TMEM214: variants seen among roughly 807,000 people sequenced by gnomAD.
The protein encoded by TMEM214 is transmembrane protein 214.
In TMEM214, 71 loss-of-function variants were observed where a neutral mutation model predicts 89.8. The observed-to-expected ratio is 0.79, with a 90% CI of 0.65 to 0.96. The LOEUF is 0.96. Among genes scored for constraint, TMEM214 ranks in the 40% least tolerant of loss-of-function variants. The pLI, the probability that TMEM214 is intolerant of heterozygous loss-of-function variation, is 0.00. For synonymous variants in TMEM214, 332 were observed against 349.5 expected (o/e 0.95, Z 0.56); for missense variants, 754 against 843.4 (o/e 0.89, Z 1.31).
rs764688398 is a variant in TMEM214 at position 27,040,846 on chromosome 2, T to C, written c.*9T>C. On this transcript the variant is annotated 3_prime_UTR_variant, in exon 17 of 17. Coordinates refer to ENST00000238788, the MANE Select transcript of TMEM214 (RefSeq NM_017727.5). ...TGATATCCCAGCAGTAGGCCCTGCCTTCCTGGCCACTGATTTCTGCATGGG... is the reference window on the plus strand; with the variant it reads ...TGATATCCCAGCAGTAGGCCCTGCCCTCCTGGCCACTGATTTCTGCATGGG... The C allele has an allele frequency of 5.6e-6, 9 of 1,611,504 alleles. No homozygotes were observed. The South Asian group carries it at 9.9e-5, about 18-fold the overall frequency.
chr2:27,038,771 A>G lies in TMEM214; in HGVS notation c.1363A>G (p.Ser455Gly). Residue 455 changes from serine (S) to glycine (G), a missense_variant, in exon 12 of 17, where the codon AGC becomes GGC. Ser to Gly is a moderately conservative substitution (Grantham distance 56, BLOSUM62 0). Coordinates refer to ENST00000238788, the MANE Select transcript of TMEM214 (RefSeq NM_017727.5). The surrounding 1 kb of genome is among the most constrained non-coding windows in gnomAD (Gnocchi z 4.4). ...LTNQELLRKG[S>G]SNNQDVVTCD... ...CAACCAGGAGCTGCTGAGGAAGGGTAGCAGTAACAACCAGGATGTCGTCAC... is the reference window on the plus strand; with the variant it reads ...CAACCAGGAGCTGCTGAGGAAGGGTGGCAGTAACAACCAGGATGTCGTCAC... The G allele has an allele frequency of 6.2e-7, 1 of 1,614,180 alleles. No homozygotes were observed. The highest frequency in any genetic ancestry group is 1.1e-5 in the South Asian group (1 of 91,078).
Position 27,039,184 on chromosome 2 carries a change from C to T in TMEM214, c.1525+20C>T, listed in dbSNP as rs142175760. The T allele has an allele frequency of 9.1e-5, 146 of 1,604,862 alleles. No individual in the cohort carries two copies. Among genetic ancestry groups the T allele is most frequent in the African/African-American group, 1.2e-4 (9 of 74,906 alleles). ...TCCAGGGTAAGCAGCAATGGGCAAGCGAGGAGGATGGTGTGGGCGGGGCAC... is the reference window on the plus strand; with the variant it reads ...TCCAGGGTAAGCAGCAATGGGCAAGTGAGGAGGATGGTGTGGGCGGGGCAC... On this transcript the variant is annotated intron_variant, in intron 13 of 16. Transcript: ENST00000238788.
chr2:27,036,121 T>C (rs1667548579), intron 5 of TMEM214, 69 bp downstream of exon 5: 1 of 1,473,550 alleles, frequency 6.8e-7, no homozygotes, highest in Non-Finnish European at 9.4e-7. Flanking sequence ...ATCTATGTTG[T>C]TGGACTCAGG....
At position 27,036,711 on chromosome 2, in the gene TMEM214, TG is replaced by T. The variant is rs769185478; in HGVS notation, c.837del (p.Ile280SerfsTer24). 2.7e-5 allele frequency: 44 copies of T among 1,614,072 alleles called. No individual in the cohort carries two copies. On this transcript the variant is annotated frameshift_variant, in exon 7 of 17. Transcript: ENST00000238788. LOFTEE classifies it high-confidence loss of function. ...ANLTEGLKVW[L>X]GIMLPVLGIK... ...GTGACTTTTACCCCTGCAGTGTGGC[TG>T]GGGATCATGCTGCCTGTGCTGGGCA... is the stretch of plus-strand genomic sequence containing the variant.
rs1256299698 is a variant in TMEM214, at chr2:27,038,683, A to G, written c.1294-19A>G. ...GAAGCTCTGGATTCCCTCACAGGCC[A>G]GACCTTTCTTGTCCATAGGTACAGA... On this transcript the variant is annotated intron_variant, in intron 11 of 16. Coordinates refer to ENST00000238788, the MANE Select transcript of TMEM214 (RefSeq NM_017727.5). The surrounding 1 kb of genome is among the most constrained non-coding windows in gnomAD (Gnocchi z 4.4). The G allele has an allele frequency of 3.7e-6, 6 of 1,612,618 alleles. No individual in the cohort carries two copies. Among genetic ancestry groups the G allele is most frequent in the African/African-American group, 1.3e-5 (1 of 75,032 alleles).
chr2:27,034,330 G>C, intron 2 of TMEM214, 64 bp downstream of exon 2: 1 of 1,559,460 alleles, frequency 6.4e-7, no homozygotes, highest in Non-Finnish European at 8.7e-7. Flanking sequence ...AAGATGAGAG[G>C]AGGGGGAGGT....
rs1667769295 is a variant in TMEM214 at position 27,040,163 on chromosome 2, T to C, written c.1756T>C (p.Trp586Arg). Residue 586 changes from tryptophan to arginine, a missense_variant, in exon 15 of 17, where the codon TGG (tryptophan) becomes CGG (arginine). By Grantham distance (101) the Trp-to-Arg change is moderately radical (BLOSUM62 -3). Transcript: ENST00000238788. ...TGCCCACTGTGCCTCTCACCTTGCGTGGTTTGGTGACAGTCTCACCAGTCT... is the reference window on the plus strand; with the variant it reads ...TGCCCACTGTGCCTCTCACCTTGCGCGGTTTGGTGACAGTCTCACCAGTCT... The part of the protein sequence containing the change: ...LSAHCASHLA[W>R]FGDSLTSLSQ... The C allele has an allele frequency of 6.2e-7, 1 of 1,606,716 alleles. No individual in the cohort carries two copies. The highest frequency in any genetic ancestry group is 1.3e-5 in the African/African-American group (1 of 74,884).
chr2:27,035,690 G>T lies in TMEM214; in HGVS notation c.599G>T (p.Cys200Phe). 6.2e-7 allele frequency: 1 copy of T among 1,614,210 alleles called. No homozygotes were observed. The highest frequency in any genetic ancestry group is 8.5e-7 in the Non-Finnish European group (1 of 1,180,028). Residue 200 changes from cysteine to phenylalanine, a missense_variant, in exon 4 of 17, where the codon TGT (cysteine) becomes TTT (phenylalanine). Transcript: ENST00000238788. ...AGSLELFFDH[C>F]LFTMLQELDK... ...TCTCTGGAGCTCTTTTTTGACCACT[G>T]TCTGTTCACCATGTTGCAAGAGCTG...
At chr2:27,039,641 G>T (rs1667730491) in intron 13 of TMEM214, 100 bp from the exon 14 acceptor site, 1 of 1,048,612 alleles carries the variant, frequency 9.5e-7, no homozygotes, top group Non-Finnish European at 1.5e-6. Context: ...ACAAAGCTCT[G>T]CCCAGCGCCT....
At chr2:27,040,525 G>T in intron 16 of TMEM214, 29 bp downstream of exon 16, 1 of 1,608,412 alleles carries the variant, frequency 6.2e-7, no homozygotes. Flanking sequence ...GCTCCGGCAG[G>T]ATCCCCAGCA....
At position 27,038,070 on chromosome 2, in the gene TMEM214, G is replaced by A; in HGVS notation, c.1153-76G>A. 8.1e-6 allele frequency: 13 copies of A among 1,612,378 alleles called. No individual in the cohort carries two copies. Among genetic ancestry groups the A allele is most frequent in the Non-Finnish European group, 1.1e-5 (13 of 1,179,778 alleles). On this transcript the variant is annotated intron_variant, in intron 9 of 16. Transcript: ENST00000238788. This position sits in a 1 kb window ranked among gnomAD's most constrained non-coding sequence, Gnocchi z 4.4. ...CCTGGATGGCCTTGCTTACGGGAAG[G>A]GGATCACCTCTTAGCACTCCCCGCC...
Position 27,038,027 on chromosome 2 carries a change from C to G in TMEM214, c.1153-119C>G, listed in dbSNP as rs748701640. ...GAGTCTTGACACTGTTTCTCCACCC[C>G]TTAGGGTGGATGTGCGGCCTGGATG... On this transcript the variant is annotated intron_variant, in intron 9 of 16. Transcript: ENST00000238788. The surrounding 1 kb of genome is among the most constrained non-coding windows in gnomAD (Gnocchi z 4.4). 3 of 1,606,756 alleles carry G rather than the reference C, an allele frequency of 1.9e-6. No individual in the cohort carries two copies. The highest frequency in any genetic ancestry group is 2.5e-6 in the Non-Finnish European group (3 of 1,177,364).
At chr2:27,036,437 T>C (rs1667562399) in intron 5 of TMEM214, 50 bp from the exon 6 acceptor site, 1 of 1,462,086 alleles carries the variant, frequency 6.8e-7, no homozygotes, top group Non-Finnish European at 9.6e-7. Flanking sequence ...TGGGGGGTGC[T>C]CCTGGTGTTT....
chr2:27,033,250 C>G, intron 1 of TMEM214, 84 bp downstream of exon 1: 1 of 1,189,874 alleles, frequency 8.4e-7, no homozygotes, highest in Non-Finnish European at 1.1e-6. Context: ...TGGGCGCGAG[C>G]TCGCAGGCAC....
Position 27,039,849 on chromosome 2 carries a change from C to G in TMEM214, c.1622+12C>G, listed in dbSNP as rs373347150. ...CTGCAAGGCTACAGGTGAGCTCCTC[C>G]CAGGGAGGGGAGAGGAGAGGCAGAA... is the stretch of plus-strand genomic sequence containing the variant. On this transcript the variant is annotated intron_variant, in intron 14 of 16. Transcript: ENST00000238788. The G allele has an allele frequency of 7.4e-4, 1,199 of 1,613,674 alleles. 2 individuals are homozygous for G. Among genetic ancestry groups the G allele is most frequent in the Non-Finnish European group, 9.3e-4 (1,098 of 1,179,744 alleles).
intron 16 of TMEM214, 61 bp downstream of exon 16, chr2:27,040,557 G>T: frequency 6.3e-7 from 1 of 1,596,390 alleles, no homozygotes; most frequent in Non-Finnish European, 8.5e-7. Context: ...GGGCCCCAGG[G>T]ACAAGCCATC....
Position 27,038,152 on chromosome 2 carries a change from A to C in TMEM214, c.1159A>C (p.Ser387Arg). The change falls in exon 10 of 17, where the codon AGC (serine) becomes CGC (arginine). Residue 387 changes from serine (S) to arginine (R), a missense_variant. Coordinates refer to ENST00000238788, the MANE Select transcript of TMEM214 (RefSeq NM_017727.5). The surrounding 1 kb of genome is among the most constrained non-coding windows in gnomAD (Gnocchi z 4.4). Reference protein sequence around the residue: ...CPPEMKKELLSSLTECLTVDP... With the variant: ...CPPEMKKELLRSLTECLTVDP... ...CCTCTGTCGTGCTGTGCAGCTCCTG[A>C]GCAGCCTGACTGAGTGCCTGACGGT... 1 of 1,614,068 alleles carries C rather than the reference A, an allele frequency of 6.2e-7. No homozygotes were observed. The highest frequency in any genetic ancestry group is 1.1e-5 in the South Asian group (1 of 91,082).
At chr2:27,039,570 G>GGCAGCTCTGCATGCCTCCCTCCACA (rs1667727875) in intron 13 of TMEM214, 171 bp from the exon 14 acceptor site, 1 of 652,956 alleles carries the variant, frequency 1.5e-6, no homozygotes. Context: ...GCAGGAGAAG[G>GGCAGCTCTGCATGCCTCCCTCCACA]GCAGCTCTGC....
Position 27,036,584 on chromosome 2 carries a change from G to T in TMEM214, c.818G>T (p.Gly273Val). Residue 273 changes from glycine to valine, a missense_variant, in exon 6 of 17, where the codon GGA becomes GTA. Transcript: ENST00000238788. ...GCAGGTTTTGCCAACCTCACCGAGG[G>T]ACTGAAAGGTAACAGGGAAATAGGG... ...GQAGFANLTEGLKVWLGIMLP... is the reference protein window; with the variant it reads ...GQAGFANLTEVLKVWLGIMLP... The T allele has an allele frequency of 1.5e-5, 24 of 1,614,160 alleles. No homozygotes were observed. The highest frequency in any genetic ancestry group is 1.9e-5 in the Non-Finnish European group (23 of 1,180,010).
Sources: allele counts gnomAD v4.1 joint callset, GRCh38; gene constraint gnomAD v4.1.1; non-coding constraint Gnocchi (gnomAD v3.1); transcripts MANE v1.5; gene names NCBI Gene and HGNC (gene_info 2026-07-23, HGNC 2026-07-21).